The following SORCS3 variants were observed in gnomAD, a reference collection of about 807,000 sequenced individuals.
SORCS3 encodes the protein VPS10 domain-containing receptor SorCS3.
Under a neutral mutation model 146.3 loss-of-function variants are expected in SORCS3, and 57 were observed. The ratio of observed to expected loss-of-function variants is 0.39; its 90% CI spans 0.31 to 0.49. The LOEUF (loss-of-function observed/expected upper bound fraction) is 0.49. SORCS3 is among the 20% of genes least tolerant of loss of function. The probability of loss-of-function intolerance (pLI) is 0.92; values close to 1 mark genes in which losing one functional copy is unlikely to be tolerated. For missense variants in SORCS3, 1,341 were observed against 1,575.5 expected (o/e 0.85, Z 2.52); for synonymous variants, 653 against 618.5 (o/e 1.06, Z -0.83).
intron 5 of SORCS3, among the ~76,000 whole-genome samples, chr10:105,073,239 T>C (rs1019007751): frequency 6.6e-6 from 1 of 152,332 alleles, no homozygotes; most frequent in African/African-American, 2.4e-5. Flanking sequence ...CCAGGAAGAC[T>C]GGGCTTGTGA....
At chr10:105,205,491 T>A (rs923667647) in intron 16 of SORCS3, among the ~76,000 whole-genome samples, 5 of 152,146 alleles carry the variant, frequency 3.3e-5, no homozygotes, top group African/African-American at 9.7e-5. Flanking sequence ...ACCTCCATCA[T>A]GGCGCTGGAG....
chr10:104,859,531 C>G (rs892648448), intron 2 of SORCS3, among the ~76,000 whole-genome samples: 7 of 152,152 alleles, frequency 4.6e-5, no homozygotes, highest in East Asian at 1.9e-4. Flanking sequence ...GTCTAAAACA[C>G]CAAAAGCAAT....
intron 1 of SORCS3, among the ~76,000 whole-genome samples, chr10:104,723,130 C>G (rs534430931): frequency 6.6e-6 from 1 of 152,150 alleles, no homozygotes; most frequent in African/African-American, 2.4e-5. Flanking sequence ...CTATAAATTT[C>G]CCTCTACACA....
At chr10:104,942,052 C>G (rs2019325233) in intron 3 of SORCS3, among the ~76,000 whole-genome samples, 1 of 152,184 alleles carries the variant, frequency 6.6e-6, no homozygotes, top group Non-Finnish European at 1.5e-5. Context: ...TCTTTATTCT[C>G]TCTTTTTAAA....
At chr10:104,802,486 T>C (rs1163685487) in intron 1 of SORCS3, among the ~76,000 whole-genome samples, 1 of 152,210 alleles carries the variant, frequency 6.6e-6, no homozygotes, top group Admixed American at 6.5e-5. Flanking sequence ...AATTGACTTA[T>C]CCTGGGAATA....
intron 17 of SORCS3, among the ~76,000 whole-genome samples, chr10:105,211,788 T>G (rs1433263105): frequency 6.6e-6 from 1 of 152,238 alleles, no homozygotes; most frequent in East Asian, 1.9e-4. Context: ...AAACATTTTC[T>G]TGAAGATTTG....
chr10:105,159,128 T>C (rs2056239467), intron 11 of SORCS3, 134 bp downstream of exon 11: 4 of 606,600 alleles, frequency 6.6e-6, no homozygotes, highest in Non-Finnish European at 1.2e-5. Context: ...ATATGCAGGG[T>C]TCCTCAATAC....
At chr10:105,173,479 C>T (rs2056376514) in intron 13 of SORCS3, among the ~76,000 whole-genome samples, 2 of 151,972 alleles carry the variant, frequency 1.3e-5, no homozygotes, top group Middle Eastern at 3.4e-3. Flanking sequence ...AATTCATTGA[C>T]TTCATCTCTA....
chr10:104,994,265 T>G (rs1293244937), intron 4 of SORCS3, among the ~76,000 whole-genome samples: 1 of 152,166 alleles, frequency 6.6e-6, no homozygotes, highest in Admixed American at 6.5e-5. Flanking sequence ...CATGGATGGT[T>G]AGAGTATATA....
At chr10:104,694,923 A>G (rs1376508631) in intron 1 of SORCS3, among the ~76,000 whole-genome samples, 1 of 152,162 alleles carries the variant, frequency 6.6e-6, no homozygotes, top group East Asian at 1.9e-4. Context: ...GTTGTATTTT[A>G]TTAGTTTTAA....
chr10:105,223,894 A>G (rs148378591), intron 20 of SORCS3, among the ~76,000 whole-genome samples: 24 of 152,172 alleles, frequency 1.6e-4, no homozygotes, highest in Non-Finnish European at 3.4e-4. Flanking sequence ...CTCAGAGGTA[A>G]TGTTCTTCTC....
intron 2 of SORCS3, among the ~76,000 whole-genome samples, chr10:104,860,644 C>T (rs2018391020): frequency 6.6e-6 from 1 of 152,106 alleles, no homozygotes; most frequent in Admixed American, 6.5e-5. Flanking sequence ...CTTACACTTA[C>T]CAAGTACCAT....
At chr10:105,107,984 A>G (rs2055834756) in intron 7 of SORCS3, among the ~76,000 whole-genome samples, 1 of 152,174 alleles carries the variant, frequency 6.6e-6, no homozygotes, top group African/African-American at 2.4e-5. Flanking sequence ...TATTAACGCT[A>G]TCTGTAAAGC....
chr10:105,135,590 T>G (rs1458473966), intron 7 of SORCS3, among the ~76,000 whole-genome samples: 6 of 152,168 alleles, frequency 3.9e-5, no homozygotes. Flanking sequence ...CCCTTTCAAT[T>G]GTAAGCTGCC....
chr10:104,929,379 C>G (rs1589553361), intron 3 of SORCS3, among the ~76,000 whole-genome samples: 2 of 152,182 alleles, frequency 1.3e-5, no homozygotes, highest in African/African-American at 4.8e-5. Flanking sequence ...GCTGGCTTTT[C>G]TATTCTGGGA....
At chr10:104,759,884 G>A (rs1359145520) in intron 1 of SORCS3, among the ~76,000 whole-genome samples, 2 of 152,172 alleles carry the variant, frequency 1.3e-5, no homozygotes, top group Non-Finnish European at 2.9e-5. Context: ...GAACTGGGGT[G>A]AATGGATGGT....
At chr10:105,102,864 A>G (rs1184734749) in intron 6 of SORCS3, among the ~76,000 whole-genome samples, 1 of 133,148 alleles carries the variant, frequency 7.5e-6, no homozygotes, top group Non-Finnish European at 1.5e-5. Flanking sequence ...ATCTCGGCTC[A>G]GTGCAACCTC....
intron 2 of SORCS3, among the ~76,000 whole-genome samples, chr10:104,857,987 G>A (rs975889084): frequency 6.6e-6 from 1 of 152,126 alleles, no homozygotes; most frequent in African/African-American, 2.4e-5. Context: ...TTGAAACTTT[G>A]ATGCTTCATA....
intron 4 of SORCS3, among the ~76,000 whole-genome samples, chr10:105,008,669 CAG>C (rs1347388445): frequency 6.6e-6 from 1 of 152,174 alleles, no homozygotes; most frequent in African/African-American, 2.4e-5. Flanking sequence ...TTTTCTGAGA[CAG>C]AGTCTCATTC....
Sources: gnomAD v4.1 joint callset for allele counts (sites outside exome capture counted in the v4.1 genomes callset) on GRCh38, gnomAD v4.1.1 for gene constraint, MANE v1.5 for transcripts, NCBI Gene and HGNC (gene_info 2026-07-23, HGNC 2026-07-21) for gene names.